ARPC3: variants seen among roughly 807,000 people sequenced by gnomAD.
ARPC3 encodes the protein actin related protein 2/3 complex subunit 3.
Under a neutral mutation model 27.6 loss-of-function variants are expected in ARPC3, and 12 were observed. That is an observed-to-expected ratio of 0.43 (90% CI 0.28 to 0.70). The LOEUF (loss-of-function observed/expected upper bound fraction) is 0.70. ARPC3 is among the 30% of genes least tolerant of loss of function. The probability of loss-of-function intolerance (pLI) is 0.17; values close to 1 mark genes in which losing one functional copy is unlikely to be tolerated. For missense variants in ARPC3, 153 were observed against 207.7 expected, an observed-to-expected ratio of 0.74 and a Z score of 1.62; for synonymous variants, 53 against 67.2, an observed-to-expected ratio of 0.79 and a Z score of 1.03.
At position 110,436,679 on chromosome 12, in the gene ARPC3, T is replaced by C. The variant is rs1169882433; in HGVS notation, c.257A>G (p.Asn86Ser). The change falls in exon 5 of 7, where the codon AAT becomes AGT. Residue 86 changes from asparagine to serine, a missense_variant. Asn to Ser is a conservative substitution (Grantham distance 46). Coordinates refer to ENST00000228825, the MANE Select transcript of ARPC3 (RefSeq NM_001278556.2). ...SECLKKLQKC[N>S]SKSQGEKEMY... ...TTCTTTCTCACCTTGGCTTTTGGAA[T>C]TGCACTGGAAAAAAAAATATATATA... 2 of 1,558,994 alleles carry C rather than the reference T, an allele frequency of 1.3e-6. No homozygotes were observed. The highest frequency in any genetic ancestry group is 1.6e-5 in the African/African-American group (1 of 61,696).
intron 2 of ARPC3, 48 bp from the exon 3 acceptor site, chr12:110,440,436 A>G (rs780672378): frequency 2.2e-5 from 28 of 1,252,856 alleles, no homozygotes; most frequent in Non-Finnish European, 3.3e-5. Flanking sequence ...AGCCAAATAC[A>G]AAACATAACA....
At chr12:110,436,260 G>A in intron 5 of ARPC3, 56 bp from the exon 6 acceptor site, 1 of 1,396,706 alleles carries the variant, frequency 7.2e-7, no homozygotes, top group Non-Finnish European at 1.0e-6. Flanking sequence ...CAAATGTACT[G>A]GTTGCAGCTC....
In ARPC3 at chr12:110,436,695, AATATAT is replaced by A. The variant is rs759554263; in HGVS notation, c.253-18_253-13del. The A allele has an allele frequency of 2.6e-5, 19 of 735,030 alleles. 3 individuals carry two copies. Among genetic ancestry groups the A allele is most frequent in the Admixed American group, 1.1e-4 (4 of 37,426 alleles). The allele number at this position is 735,030 out of a possible 1,614,324, so 45.5% of individuals were successfully genotyped here. On this transcript the variant is annotated splice_polypyrimidine_tract_variant and intron_variant, in intron 4 of 6. Coordinates refer to ENST00000228825, the MANE Select transcript of ARPC3 (RefSeq NM_001278556.2). ...CTTTTGGAATTGCACTGGAAAAAAA[AATATAT>A]ATATATATATACACACACACACACA...
Position 110,437,115 on chromosome 12 carries a change from T to A in ARPC3, c.221A>T (p.Tyr74Phe), listed in dbSNP as rs1481059509. 3.7e-6 allele frequency: 6 copies of A among 1,602,970 alleles called. No homozygotes were observed. The highest frequency in any genetic ancestry group is 5.1e-6 in the Non-Finnish European group (6 of 1,170,610). Reference sequence around the variant, plus strand: ...CAGTTTCTTCAGACATTCAGAAATGTAGAGAGTTATATATATCAAGGTCCT... The same window carrying A: ...CAGTTTCTTCAGACATTCAGAAATGAAGAGAGTTATATATATCAAGGTCCT... ...ADRTLIYITL[Y>F]ISECLKKLQK... Residue 74 changes from tyrosine to phenylalanine, a missense_variant, in exon 4 of 7, where the codon TAC (tyrosine) becomes TTC (phenylalanine). Physicochemically the swap from Tyr to Phe is conservative, Grantham distance 22. Coordinates refer to ENST00000228825, the MANE Select transcript of ARPC3 (RefSeq NM_001278556.2).
intron 2 of ARPC3, among the ~76,000 whole-genome samples, chr12:110,440,896 G>T (rs539584489): frequency 6.3e-4 from 92 of 146,878 alleles, no homozygotes; most frequent in African/African-American, 2.3e-3. Context: ...AGGCTGGAGT[G>T]CAGTGGCGCG....
chr12:110,439,068 C>G (rs1305748586), intron 3 of ARPC3, among the ~76,000 whole-genome samples: 3 of 151,124 alleles, frequency 2.0e-5, no homozygotes, highest in Non-Finnish European at 4.4e-5. Flanking sequence ...TCACTGCAAC[C>G]ATCACCTCCT....
intron 1 of ARPC3, among the ~76,000 whole-genome samples, chr12:110,446,633 G>T (rs1295161573): frequency 1.4e-5 from 2 of 143,028 alleles, no homozygotes; most frequent in African/African-American, 5.2e-5. Context: ...TTTTGAGACG[G>T]AGTCTTGCCC....
At chr12:110,440,417 G>T in intron 2 of ARPC3, 29 bp from the exon 3 acceptor site, 2 of 1,462,844 alleles carry the variant, frequency 1.4e-6, no homozygotes, top group Non-Finnish European at 1.9e-6. Flanking sequence ...AAGGAGCACA[G>T]AGAACATTAG....
intron 2 of ARPC3, 187 bp downstream of exon 2, chr12:110,445,265 A>C: frequency 1.7e-6 from 1 of 584,794 alleles, no homozygotes; most frequent in South Asian, 2.0e-5. Flanking sequence ...AGAAGAAATA[A>C]TACAATTTCC....
intron 1 of ARPC3, among the ~76,000 whole-genome samples, chr12:110,449,933 T>C (rs1227897123): frequency 6.6e-6 from 1 of 151,858 alleles, no homozygotes; most frequent in Non-Finnish European, 1.5e-5. Context: ...ATATGAAAAA[T>C]AAAAAGCGCA....
intron 1 of ARPC3, among the ~76,000 whole-genome samples, chr12:110,449,935 A>G (rs914874881): frequency 6.6e-6 from 1 of 152,194 alleles, no homozygotes; most frequent in African/African-American, 2.4e-5. Context: ...ATGAAAAATA[A>G]AAAGCGCAGC....
At chr12:110,437,257 G>A in intron 3 of ARPC3, 105 bp from the exon 4 acceptor site, 1 of 799,476 alleles carries the variant, frequency 1.3e-6, no homozygotes, top group Non-Finnish European at 2.2e-6. Flanking sequence ...GAATGCAGTG[G>A]TAGGACAGCC....
chr12:110,435,367 G>A (rs1037030442), intron 6 of ARPC3, 150 bp from the exon 7 acceptor site: 5 of 673,666 alleles, frequency 7.4e-6, no homozygotes, highest in Non-Finnish European at 1.3e-5. Context: ...TGTCGCCCAG[G>A]CTGGAGTGCT....
rs968376060 is a variant in ARPC3 at position 110,438,658 on chromosome 12, T to A, written c.184-1506A>T. 2.4e-4 allele frequency among the ~76,000 whole-genome samples: 37 copies of A among 151,624 alleles called. 1 individual carries two copies. Among genetic ancestry groups the A allele is most frequent in the African/African-American group, 8.2e-4 (34 of 41,372 alleles). On this transcript the variant is annotated intron_variant, in intron 3 of 6. Transcript: ENST00000228825. ...CACACCATTTTCCTATATATTTTTTTTTTTTTGAGTGTTTCACTTTTGCTG... is the reference window on the plus strand; with the variant it reads ...CACACCATTTTCCTATATATTTTTTATTTTTTGAGTGTTTCACTTTTGCTG...
chr12:110,442,844 T>TTTTGTTTGG (rs2062445718), intron 2 of ARPC3: 1 of 152,136 alleles, frequency 6.6e-6, no homozygotes, highest in African/African-American at 2.4e-5. Context: ...CAAAGACAGA[T>TTTTGTTTGG]CTCATGACAC....
rs2062404642 is a variant in ARPC3 at position 110,436,539 on chromosome 12, A to G, written c.379+18T>C. On this transcript the variant is annotated intron_variant, in intron 5 of 6. Transcript: ENST00000228825. Reference sequence around the variant, plus strand: ...AATCTTCTTGTGTCACAGAGTGAGGATAGAGACCTGTTCTTACCATCTTCC... The same window carrying G: ...AATCTTCTTGTGTCACAGAGTGAGGGTAGAGACCTGTTCTTACCATCTTCC... The G allele has an allele frequency of 1.9e-6, 3 of 1,613,766 alleles. No individual in the cohort carries two copies. The highest frequency in any genetic ancestry group is 2.2e-5 in the South Asian group (2 of 91,082).
chr12:110,436,293 A>G (rs1221188859), intron 5 of ARPC3, 89 bp from the exon 6 acceptor site: 2 of 1,144,466 alleles, frequency 1.7e-6, no homozygotes, highest in Non-Finnish European at 2.6e-6. Flanking sequence ...GTGGTAATAC[A>G]TTTTTATACA....
intron 2 of ARPC3, among the ~76,000 whole-genome samples, chr12:110,441,039 T>C (rs1293051533): frequency 6.8e-6 from 1 of 147,754 alleles, no homozygotes; most frequent in African/African-American, 2.5e-5. Flanking sequence ...AAGACGGGGT[T>C]TCACCGTGTT....
intron 6 of ARPC3, among the ~76,000 whole-genome samples, chr12:110,435,874 C>A (rs1449182424): frequency 6.6e-6 from 1 of 152,140 alleles, no homozygotes; most frequent in Non-Finnish European, 1.5e-5. Context: ...GATCCACTCG[C>A]CTCGGCCTCC....
Sources: allele counts gnomAD v4.1 joint callset (sites outside exome capture counted in the v4.1 genomes callset), GRCh38; gene constraint gnomAD v4.1.1; transcripts MANE v1.5; gene names NCBI Gene and HGNC (gene_info 2026-07-23, HGNC 2026-07-21).